Variants in FAM178B observed in about 807,000 individuals in gnomAD.
The protein encoded by FAM178B is family with sequence similarity 178 member B, also known as protein FAM178B.
In FAM178B, 82 loss-of-function variants were observed where a neutral mutation model predicts 91.7. That is an observed-to-expected ratio of 0.89 (90% CI 0.75 to 1.07). The LOEUF is 1.07. Ranked by LOEUF, FAM178B falls within the 50% of genes least tolerant of loss-of-function variation. The pLI is 0.00. For synonymous variants in FAM178B, 368 were observed against 359.4 expected (o/e 1.02, Z -0.27); for missense variants, 769 against 846.7 (o/e 0.91, Z 1.14).
Position 96,905,527 on chromosome 2 carries a change from A to C in FAM178B, c.1563-2820T>G, listed in dbSNP as rs1355483571. 2.0e-5 allele frequency among the ~76,000 whole-genome samples: 3 copies of C among 150,664 alleles called. No homozygotes were observed. The East Asian group carries it at 5.8e-4, about 29-fold the overall frequency. On this transcript the variant is annotated intron_variant, in intron 12 of 16. Coordinates refer to ENST00000490605, the MANE Select transcript of FAM178B (RefSeq NM_001122646.3). ...AGCAGAGATCACACCACTGTACTCAAGCCTGGGCGACAGAGCGAGACTCCA... is the reference window on the plus strand; with the variant it reads ...AGCAGAGATCACACCACTGTACTCACGCCTGGGCGACAGAGCGAGACTCCA...
chr2:96,964,690 C>A lies in FAM178B; in HGVS notation c.734+2830G>T, dbSNP rs990728092. ...GAAAGAAACCACCCCACTGATCTGA[C>A]CCCACTTCCCTTTTCAGCTACTGCC... On this transcript the variant is annotated intron_variant, in intron 5 of 16. Transcript: ENST00000490605. Among the ~76,000 whole-genome samples the A allele has an allele frequency of 3.3e-5, 5 of 152,226 alleles. No individual in the cohort carries two copies. The East Asian group carries it at 9.6e-4, about 29-fold the overall frequency.
chr2:96,936,465 T>C (rs1463752455), intron 8 of FAM178B, among the ~76,000 whole-genome samples: 5 of 149,150 alleles, frequency 3.4e-5, no homozygotes, highest in African/African-American at 4.9e-5. Flanking sequence ...CCTCCCAAAG[T>C]GCTGGATTAC....
chr2:96,896,952 C>T (rs1224315270), intron 13 of FAM178B, among the ~76,000 whole-genome samples: 4 of 152,186 alleles, frequency 2.6e-5, no homozygotes, highest in Non-Finnish European at 5.9e-5. Flanking sequence ...CTGCAACCTC[C>T]ACCTCCTGGG....
At chr2:96,967,823 C>A (rs1352125336) in intron 4 of FAM178B, among the ~76,000 whole-genome samples, 196 bp from the exon 5 acceptor site, 1 of 151,704 alleles carries the variant, frequency 6.6e-6, no homozygotes, top group African/African-American at 2.4e-5. Flanking sequence ...TGTGCTTTCC[C>A]CAAATGAGCA....
chr2:96,926,596 G>A (rs575150607), intron 9 of FAM178B, among the ~76,000 whole-genome samples: 2 of 152,236 alleles, frequency 1.3e-5, no homozygotes, highest in African/African-American at 4.8e-5. Flanking sequence ...TCATATCCAC[G>A]CTCCATCCTT....
intron 13 of FAM178B, among the ~76,000 whole-genome samples, chr2:96,901,326 G>C (rs2080927517): frequency 6.6e-6 from 1 of 151,682 alleles, no homozygotes; most frequent in African/African-American, 2.4e-5. Context: ...GCGCCTGCCA[G>C]CATGCCCGGC....
intron 12 of FAM178B, among the ~76,000 whole-genome samples, chr2:96,911,819 A>C (rs577906996): frequency 6.6e-6 from 1 of 152,124 alleles, no homozygotes; most frequent in Non-Finnish European, 1.5e-5. Flanking sequence ...GTGGGCAGAC[A>C]CTGGTGCCAC....
chr2:96,888,581 C>A (rs1350548521), intron 14 of FAM178B, among the ~76,000 whole-genome samples: 1 of 152,196 alleles, frequency 6.6e-6, no homozygotes, highest in Non-Finnish European at 1.5e-5. Flanking sequence ...GAGAGCCAGG[C>A]CTTTCTCCAC....
intron 13 of FAM178B, among the ~76,000 whole-genome samples, chr2:96,896,084 G>A (rs757213513): frequency 6.6e-6 from 1 of 152,200 alleles, no homozygotes; most frequent in Non-Finnish European, 1.5e-5. Context: ...GAACAGTTCT[G>A]CCCACTCAGG....
chr2:96,968,371 C>T (rs753832929), intron 4 of FAM178B, among the ~76,000 whole-genome samples: 7 of 152,114 alleles, frequency 4.6e-5, no homozygotes, highest in Non-Finnish European at 8.8e-5. Flanking sequence ...GAGCCCCAAC[C>T]CCTACCCTCC....
intron 14 of FAM178B, among the ~76,000 whole-genome samples, chr2:96,891,341 T>C (rs1218050587): frequency 6.6e-6 from 1 of 152,220 alleles, no homozygotes; most frequent in Non-Finnish European, 1.5e-5. Context: ...CTATAAGCTC[T>C]TGTGGCCTTA....
intron 1 of FAM178B, among the ~76,000 whole-genome samples, chr2:96,981,484 A>G (rs1234459678): frequency 6.6e-6 from 1 of 152,146 alleles, no homozygotes; most frequent in Non-Finnish European, 1.5e-5. Flanking sequence ...TGCTTTCTGT[A>G]TCCTGTTTAA....
At chr2:96,925,110 AG>A (rs764909348) in intron 9 of FAM178B, among the ~76,000 whole-genome samples, 3 of 152,056 alleles carry the variant, frequency 2.0e-5, no homozygotes, top group African/African-American at 7.2e-5. Context: ...CCAGTACGTG[AG>A]GGGAAGCTCT....
intron 6 of FAM178B, among the ~76,000 whole-genome samples, chr2:96,958,384 A>C (rs2082030866): frequency 6.6e-6 from 1 of 152,010 alleles, no homozygotes; most frequent in Admixed American, 6.6e-5. Context: ...TAATCTATTA[A>C]AGACATCTAA....
At chr2:96,925,166 G>T (rs1298934251) in intron 9 of FAM178B, among the ~76,000 whole-genome samples, 4 of 152,136 alleles carry the variant, frequency 2.6e-5, no homozygotes, top group African/African-American at 9.7e-5. Flanking sequence ...GCCATAGGTG[G>T]GTGTGCTTTC....
intron 12 of FAM178B, among the ~76,000 whole-genome samples, chr2:96,919,372 C>T (rs530340142): frequency 1.3e-5 from 2 of 152,290 alleles, no homozygotes; most frequent in South Asian, 4.1e-4. Flanking sequence ...GTGATCATCA[C>T]AGGAACCCCC....
chr2:96,967,735 C>A (rs1045312442), intron 4 of FAM178B, 108 bp from the exon 5 acceptor site: 1 of 748,418 alleles, frequency 1.3e-6, no homozygotes, highest in Admixed American at 2.3e-5. Flanking sequence ...CAGAGGGCTG[C>A]GCCGTCCTGG....
In FAM178B at chr2:96,986,445, G is replaced by A. The variant is rs2082426233; in HGVS notation, c.-132C>T. On this transcript the variant is annotated 5_prime_UTR_variant, in exon 1 of 17. Coordinates refer to ENST00000490605, the MANE Select transcript of FAM178B (RefSeq NM_001122646.3). Reference sequence around the variant, plus strand: ...AGGCGGCGCAGTGGGAGGACCCCAAGAGTTGCGTCCCTAGATCCAGGGCCG... The same window carrying A: ...AGGCGGCGCAGTGGGAGGACCCCAAAAGTTGCGTCCCTAGATCCAGGGCCG... 1 of 1,093,934 alleles carries A rather than the reference G, an allele frequency of 9.1e-7. No individual in the cohort carries two copies. The highest frequency in any genetic ancestry group is 2.7e-5 in the East Asian group (1 of 37,208). 67.8% of individuals were successfully genotyped at this position (1,093,934 alleles called of 1,614,324 possible).
rs552727937 is a variant in FAM178B at position 96,920,487 on chromosome 2, C to T, written c.1562+678G>A. ...TGGTGGCGGGCGCCTGTAGTCCCAGCTACTCGGGAGGCTGAGGCAGGAGTA... is the reference window on the plus strand; with the variant it reads ...TGGTGGCGGGCGCCTGTAGTCCCAGTTACTCGGGAGGCTGAGGCAGGAGTA... On this transcript the variant is annotated intron_variant, in intron 12 of 16. Coordinates refer to ENST00000490605, the MANE Select transcript of FAM178B (RefSeq NM_001122646.3). 4.7e-4 allele frequency among the ~76,000 whole-genome samples: 72 copies of T among 152,196 alleles called. 3 individuals are homozygous for T. In the South Asian group the frequency reaches 0.015, roughly 32 times the overall value.
Sources: allele counts gnomAD v4.1 joint callset (sites outside exome capture counted in the v4.1 genomes callset), GRCh38; gene constraint gnomAD v4.1.1; transcripts MANE v1.5; gene names NCBI Gene and HGNC (gene_info 2026-07-23, HGNC 2026-07-21).